The following COG7 variants were observed in gnomAD, a reference collection of about 807,000 sequenced individuals.
The protein encoded by COG7 is conserved oligomeric Golgi complex subunit 7.
In COG7, 49 loss-of-function variants were observed where a neutral mutation model predicts 91.5. That is an observed-to-expected ratio of 0.54 (90% CI 0.43 to 0.68). COG7 has a LOEUF of 0.68. Ranked by LOEUF, COG7 falls within the 30% of genes least tolerant of loss-of-function variation. The pLI, the probability that COG7 is intolerant of heterozygous loss-of-function variation, is 0.00. For synonymous variants in COG7, 365 were observed against 388.7 expected, an observed-to-expected ratio of 0.94 and a Z score of 0.72; for missense variants, 895 against 961.3, an observed-to-expected ratio of 0.93 and a Z score of 0.91.
chr16:23,409,088 T>TGTGTGTGTGCGTGC (rs567307217), intron 11 of COG7, among the ~76,000 whole-genome samples: 6 of 147,806 alleles, frequency 4.1e-5, no homozygotes, highest in African/African-American at 1.5e-4. Flanking sequence ...TGTGTGTGTG[T>TGTGTGTGTGCGTGC]GCGTGCATGT....
At position 23,433,585 on chromosome 16, in the gene COG7, A is replaced by G. The variant is rs776400832; in HGVS notation, c.770T>C (p.Leu257Ser). 3 of 1,613,996 alleles carry G rather than the reference A, an allele frequency of 1.9e-6. No individual in the cohort carries two copies. Among genetic ancestry groups the G allele is most frequent in the Non-Finnish European group, 2.5e-6 (3 of 1,180,014 alleles). The part of the protein sequence containing the change: ...DRQLTGLYDA[L>S]LGAWHTQIQW... ...GATTTGTGTGTGCCAAGCACCAAGC[A>G]AGGCATCATAGAGTCCGGTAAGCTG... The change falls in exon 6 of 17, where the codon TTG becomes TCG. Residue 257 changes from leucine (L) to serine (S), a missense_variant. By Grantham distance (145) the Leu-to-Ser change is moderately radical (BLOSUM62 -2). Coordinates refer to ENST00000307149, the MANE Select transcript of COG7 (RefSeq NM_153603.4).
intron 12 of COG7, among the ~76,000 whole-genome samples, chr16:23,405,814 G>A (rs990081578): frequency 1.3e-5 from 2 of 152,144 alleles, no homozygotes; most frequent in African/African-American, 4.8e-5. Context: ...ACCACACCTG[G>A]CCTAAAGCCA....
intron 4 of COG7, among the ~76,000 whole-genome samples, chr16:23,439,291 T>TA (rs1164113386): frequency 2.5e-5 from 3 of 118,414 alleles, no homozygotes; most frequent in Non-Finnish European, 5.0e-5. Context: ...GCAACAGAGT[T>TA]AAACTGTGTC....
intron 13 of COG7, among the ~76,000 whole-genome samples, chr16:23,400,926 C>T (rs1377729816): frequency 4.0e-5 from 6 of 149,614 alleles, no homozygotes; most frequent in Admixed American, 2.0e-4. Context: ...GTGGAGATCA[C>T]ACCACTGCAC....
chr16:23,449,422 A>AAAATAAAAT (rs1447762818), intron 1 of COG7, among the ~76,000 whole-genome samples: 2 of 146,788 alleles, frequency 1.4e-5, no homozygotes, highest in African/African-American at 5.0e-5. Context: ...AAAATAAAAT[A>AAAATAAAAT]AAATAAAAAA....
chr16:23,417,024 A>T lies in COG7; in HGVS notation c.1235T>A (p.Phe412Tyr). The T allele has an allele frequency of 6.2e-7, 1 of 1,614,246 alleles. No individual in the cohort carries two copies. The highest frequency in any genetic ancestry group is 8.5e-7 in the Non-Finnish European group (1 of 1,180,034). Residue 412 changes from phenylalanine to tyrosine, a missense_variant, in exon 9 of 17, where the codon TTC becomes TAC. Phe to Tyr is a conservative substitution (Grantham distance 22). Transcript: ENST00000307149. Reference protein sequence around the residue: ...ASAAVDRCVRFTNGLGTCGLL... With the variant: ...ASAAVDRCVRYTNGLGTCGLL... ...GCCGCAGGTCCCCAGGCCATTGGTGAATCTGACGCATCTGTCAACGGCTGC... is the reference window on the plus strand; with the variant it reads ...GCCGCAGGTCCCCAGGCCATTGGTGTATCTGACGCATCTGTCAACGGCTGC...
At chr16:23,434,960 G>A (rs754788834) in intron 4 of COG7, among the ~76,000 whole-genome samples, 2 of 152,174 alleles carry the variant, frequency 1.3e-5, no homozygotes, top group South Asian at 2.1e-4. Context: ...ATACTGAGAG[G>A]TTATTTATGT....
Position 23,388,988 on chromosome 16 carries a change from G to A in COG7, c.2245C>T (p.Gln749Ter). The A allele has an allele frequency of 6.2e-7, 1 of 1,614,152 alleles. No homozygotes were observed. The change falls in exon 17 of 17, where the codon CAG becomes TAG. Residue 749 changes from glutamine (Q) to a stop codon, truncating the protein, a stop_gained. Coordinates refer to ENST00000307149, the MANE Select transcript of COG7 (RefSeq NM_153603.4). LOFTEE classifies it high-confidence loss of function. ...LLKTRPEDYR[Q>*]VSKGLPRRLA... ...CGACGGGGCAGGCCTTTGCTGACCTGTCTATAGTCCTCAGGCCTGGTCTTC... is the reference window on the plus strand; with the variant it reads ...CGACGGGGCAGGCCTTTGCTGACCTATCTATAGTCCTCAGGCCTGGTCTTC...
At chr16:23,400,895 A>G (rs1052954305) in intron 13 of COG7, among the ~76,000 whole-genome samples, 1 of 149,550 alleles carries the variant, frequency 6.7e-6, no homozygotes, top group Non-Finnish European at 1.5e-5. Flanking sequence ...GTTTGAACCC[A>G]GGAGGCGGAG....
chr16:23,428,458 G>C (rs1298681747), intron 6 of COG7, among the ~76,000 whole-genome samples: 1 of 151,910 alleles, frequency 6.6e-6, no homozygotes, highest in Non-Finnish European at 1.5e-5. Context: ...ATTTCGCAAA[G>C]GAAGATGCAC....
At chr16:23,446,445 C>CTTTTTTTTTTTTTTTTTT (rs34254755) in intron 1 of COG7, 1 of 112,556 alleles carries the variant, frequency 8.9e-6, no homozygotes, top group Non-Finnish European at 1.7e-5. Context: ...TTTCCATGGT[C>CTTTTTTTTTTTTTTTTTT]TTTTTTTTTT....
At chr16:23,428,935 C>T (rs558409937) in intron 6 of COG7, among the ~76,000 whole-genome samples, 10 of 151,902 alleles carry the variant, frequency 6.6e-5, no homozygotes, top group Non-Finnish European at 8.8e-5. Context: ...TCAGGTGATC[C>T]GCCCACCTCG....
intron 5 of COG7, among the ~76,000 whole-genome samples, chr16:23,434,411 C>T (rs1963981985): frequency 6.6e-6 from 1 of 152,192 alleles, no homozygotes; most frequent in Admixed American, 6.5e-5. Context: ...ATGAATCCAG[C>T]TGTAAACAGA....
chr16:23,395,375 T>C (rs943467677), intron 14 of COG7, among the ~76,000 whole-genome samples: 3 of 152,234 alleles, frequency 2.0e-5, no homozygotes, highest in African/African-American at 7.2e-5. Flanking sequence ...ACCTACTACG[T>C]ACAAAGACCC....
At chr16:23,452,691 G>C in intron 1 of COG7, 135 bp downstream of exon 1, 1 of 1,458,270 alleles carries the variant, frequency 6.9e-7, no homozygotes, top group Non-Finnish European at 9.0e-7. Context: ...TCAGGAGTTC[G>C]GGGCTTGCTC....
At chr16:23,441,678 C>T (rs1964103708) in intron 4 of COG7, among the ~76,000 whole-genome samples, 2 of 152,116 alleles carry the variant, frequency 1.3e-5, no homozygotes, top group Admixed American at 1.3e-4. Flanking sequence ...ACCACAAGGC[C>T]GCCAAATACT....
Position 23,451,993 on chromosome 16 carries a change from A to G in COG7, c.169+833T>C, listed in dbSNP as rs2142100658. On this transcript the variant is annotated intron_variant, in intron 1 of 16. Transcript: ENST00000307149. Reference sequence around the variant, plus strand: ...AAACACCTCACAGACTCGTGCTCCTAGATTACAAAAAGTCAAAGCCAATTT... The same window carrying G: ...AAACACCTCACAGACTCGTGCTCCTGGATTACAAAAAGTCAAAGCCAATTT... Among the ~76,000 whole-genome samples, 5 of 152,220 alleles carry G rather than the reference A, an allele frequency of 3.3e-5. No homozygotes were observed. The Middle Eastern group carries it at 0.014, about 414-fold the overall frequency.
Position 23,418,744 on chromosome 16 carries a change from T to C in COG7, c.1093A>G (p.Met365Val), listed in dbSNP as rs1186888889. 3 of 1,613,824 alleles carry C rather than the reference T, an allele frequency of 1.9e-6. No individual in the cohort carries two copies. Among genetic ancestry groups the C allele is most frequent in the African/African-American group, 2.7e-5 (2 of 74,922 alleles). ...YKPYQLKYGD[M>V]EESNLLIQMS... Reference sequence around the variant, plus strand: ...TGGATGAGGAGGTTGCTCTCTTCCATGTCGCCATACTTCAGCTGGTAGGGT... The same window carrying C: ...TGGATGAGGAGGTTGCTCTCTTCCACGTCGCCATACTTCAGCTGGTAGGGT... Residue 365 changes from methionine to valine, a missense_variant, in exon 8 of 17, where the codon ATG (methionine) becomes GTG (valine). Met to Val is a conservative substitution (Grantham distance 21, BLOSUM62 1). Transcript: ENST00000307149.
intron 9 of COG7, 127 bp from the exon 10 acceptor site, chr16:23,413,691 G>A (rs1963606016): frequency 6.9e-6 from 5 of 721,252 alleles, no homozygotes; most frequent in South Asian, 5.9e-5. Context: ...GGCTCCCACC[G>A]ACGAGTGAAA....
Sources: gnomAD v4.1 joint callset for allele counts (sites outside exome capture counted in the v4.1 genomes callset) on GRCh38, gnomAD v4.1.1 for gene constraint, MANE v1.5 for transcripts, NCBI Gene and HGNC (gene_info 2026-07-23, HGNC 2026-07-21) for gene names.